CDH2: variants seen among roughly 807,000 people sequenced by gnomAD.
CDH2 encodes the protein cadherin 2.
Under a neutral mutation model 92.0 loss-of-function variants are expected in CDH2, and 17 were observed. That is an observed-to-expected ratio of 0.18 (90% CI 0.13 to 0.28). The LOEUF (loss-of-function observed/expected upper bound fraction) is 0.28. CDH2 is among the 10% of genes least tolerant of loss of function. The probability of loss-of-function intolerance (pLI) is 1.00; values close to 1 mark genes in which losing one functional copy is unlikely to be tolerated. For missense variants in CDH2, 862 were observed against 1,133.1 expected, an observed-to-expected ratio of 0.76 and a Z score of 3.44; for synonymous variants, 419 against 415.9, an observed-to-expected ratio of 1.01 and a Z score of -0.09.
chr18:28,132,269 A>G (rs1449299642), intron 2 of CDH2, among the ~76,000 whole-genome samples: 1 of 152,148 alleles, frequency 6.6e-6, no homozygotes, highest in African/African-American at 2.4e-5. Context: ...TGCCTTACAC[A>G]ATCAATGGTG....
At chr18:27,974,093 G>T (rs965101785) in intron 14 of CDH2, among the ~76,000 whole-genome samples, 1 of 152,166 alleles carries the variant, frequency 6.6e-6, no homozygotes, top group Non-Finnish European at 1.5e-5. Context: ...AAACATATTT[G>T]TGTGGCTACT....
intron 2 of CDH2, among the ~76,000 whole-genome samples, chr18:28,027,410 G>A (rs1599044928): frequency 6.6e-6 from 1 of 151,940 alleles, no homozygotes; most frequent in East Asian, 1.9e-4. Flanking sequence ...AGTCTATTAG[G>A]AGCTGCTATT....
At chr18:28,062,477 T>C (rs2014422493) in intron 2 of CDH2, among the ~76,000 whole-genome samples, 1 of 152,218 alleles carries the variant, frequency 6.6e-6, no homozygotes, top group Non-Finnish European at 1.5e-5. Flanking sequence ...AAAACTGTTA[T>C]TTCCAAGTGT....
rs201552888 is a variant in CDH2 at position 27,951,287 on chromosome 18, C to G, written c.*866G>C. On this transcript the variant is annotated 3_prime_UTR_variant, in exon 16 of 16. Transcript: ENST00000269141. ...AATTAAAAATTGAGTATTCTAACTA[C>G]AGCTCAACAATTGAATCAAATGTCA... 1.3e-5 allele frequency: 2 copies of G among 151,654 alleles called. No homozygotes were observed. The highest frequency in any genetic ancestry group is 2.9e-5 in the Non-Finnish European group (2 of 67,842). 9.4% of individuals were successfully genotyped at this position (151,654 alleles called of 1,614,324 possible). A position where few individuals can be genotyped will look rare whatever the true frequency, so the allele number is the denominator to read the frequency against.
chr18:27,967,176 T>C (rs1386930741), intron 14 of CDH2, among the ~76,000 whole-genome samples: 3 of 152,176 alleles, frequency 2.0e-5, no homozygotes. Context: ...AGAGTGTCTC[T>C]GTGATGGCTT....
At chr18:28,089,172 A>G (rs572734649) in intron 2 of CDH2, among the ~76,000 whole-genome samples, 12 of 152,290 alleles carry the variant, frequency 7.9e-5, no homozygotes, top group African/African-American at 2.6e-4. Context: ...TAAAGAACCA[A>G]TATACAGAAA....
chr18:28,105,821 A>C (rs2015311359), intron 2 of CDH2, among the ~76,000 whole-genome samples: 2 of 152,240 alleles, frequency 1.3e-5, no homozygotes, highest in Non-Finnish European at 2.9e-5. Context: ...CGTCTTACAA[A>C]GATGTTTGAA....
intron 2 of CDH2, among the ~76,000 whole-genome samples, chr18:28,136,745 A>G (rs1332672467): frequency 6.6e-6 from 1 of 152,218 alleles, no homozygotes; most frequent in Non-Finnish European, 1.5e-5. Flanking sequence ...CAGAGTGAAC[A>G]TAACTGAAGA....
At chr18:28,046,713 T>G (rs2014083863) in intron 2 of CDH2, among the ~76,000 whole-genome samples, 1 of 152,192 alleles carries the variant, frequency 6.6e-6, no homozygotes, top group Non-Finnish European at 1.5e-5. Context: ...GTAAATGGAA[T>G]CAGTGACCAT....
At chr18:28,139,059 T>C (rs2015910625) in intron 2 of CDH2, among the ~76,000 whole-genome samples, 1 of 152,032 alleles carries the variant, frequency 6.6e-6, no homozygotes, top group Non-Finnish European at 1.5e-5. Flanking sequence ...CTGCCATTTC[T>C]GTGAAGAAAA....
intron 4 of CDH2, among the ~76,000 whole-genome samples, chr18:28,011,298 T>TAA (rs1203086947): frequency 6.9e-6 from 1 of 144,522 alleles, no homozygotes. Flanking sequence ...AGTAAATAAC[T>TAA]AAAAAAAAAA....
intron 6 of CDH2, among the ~76,000 whole-genome samples, chr18:27,934,761 C>T (rs1003068591): frequency 2.0e-5 from 3 of 152,086 alleles, no homozygotes; most frequent in Non-Finnish European, 2.9e-5. Context: ...GGAACAGAGT[C>T]GTGTCTGCAC....
Position 28,176,994 on chromosome 18 carries a change from G to C in CDH2, c.29C>G (p.Thr10Ser). 1 of 1,479,228 alleles carries C rather than the reference G, an allele frequency of 6.8e-7. No homozygotes were observed. 91.6% of individuals were successfully genotyped at this position (1,479,228 alleles called of 1,614,324 possible). MCRIAGALR[T>S]LLPLLAALLQ... ...CAGGGCCGCCAGCAGCGGCAGCAGG[G>C]TCCGCAGCGCTCCCGCTATCCGGCA... The change falls in exon 1 of 16, where the codon ACC becomes AGC. Residue 10 changes from threonine to serine, a missense_variant. By Grantham distance (58) the Thr-to-Ser change is moderately conservative. Transcript: ENST00000269141.
chr18:28,145,201 C>T lies in CDH2; in HGVS notation c.172+2472G>A, dbSNP rs145910327. On this transcript the variant is annotated intron_variant, in intron 2 of 15. Transcript: ENST00000269141. ...TACATACTGGTGAGCCATTGTCATC[C>T]TGTCCCCAGATGCCATCAACGGGAA... Among the ~76,000 whole-genome samples, 572 of 152,154 alleles carry T rather than the reference C, an allele frequency of 3.8e-3. 7 individuals are homozygous for T. The highest frequency in any genetic ancestry group is 0.013 in the African/African-American group (545 of 41,544).
At chr18:28,152,704 G>A (rs2016143701) in intron 1 of CDH2, among the ~76,000 whole-genome samples, 1 of 152,174 alleles carries the variant, frequency 6.6e-6, no homozygotes, top group Admixed American at 6.5e-5. Context: ...GTTGGCTGGG[G>A]GAGCCAGGGA....
At chr18:28,078,234 G>C (rs2014762078) in intron 2 of CDH2, among the ~76,000 whole-genome samples, 2 of 152,056 alleles carry the variant, frequency 1.3e-5, no homozygotes, top group South Asian at 4.1e-4. Context: ...TAACTGACAG[G>C]ATCCTCCAGC....
downstream of CDH2, among the ~76,000 whole-genome samples, chr18:27,948,710 T>C (rs1179879826): frequency 2.6e-5 from 4 of 151,950 alleles, no homozygotes; most frequent in African/African-American, 7.2e-5. Flanking sequence ...AAAAGTCTAA[T>C]TGTTAACATG....
intron 2 of CDH2, among the ~76,000 whole-genome samples, chr18:28,131,582 C>G (rs567983754): frequency 6.6e-6 from 1 of 151,582 alleles, no homozygotes; most frequent in African/African-American, 2.4e-5. Context: ...TATGAGAAAA[C>G]CAAAATATTA....
At chr18:28,142,889 T>C (rs544257659) in intron 2 of CDH2, among the ~76,000 whole-genome samples, 51 of 152,190 alleles carry the variant, frequency 3.4e-4, no homozygotes, top group African/African-American at 1.2e-3. Context: ...AATTTAGTAA[T>C]ACATCATACA....
Sources: gnomAD v4.1 joint callset for allele counts (sites outside exome capture counted in the v4.1 genomes callset) on GRCh38, gnomAD v4.1.1 for gene constraint, MANE v1.5 for transcripts, NCBI Gene and HGNC (gene_info 2026-07-23, HGNC 2026-07-21) for gene names.